RBFOX1: variants seen among roughly 807,000 people sequenced by gnomAD.
The protein encoded by RBFOX1 is RNA binding fox-1 homolog 1, also known as RNA binding protein fox-1 homolog 1.
Under a neutral mutation model 57.7 loss-of-function variants are expected in RBFOX1, and 8 were observed. That is an observed-to-expected ratio of 0.14 (90% CI 0.08 to 0.25). The LOEUF is 0.25. Among genes scored for constraint, RBFOX1 ranks in the 10% least tolerant of loss-of-function variants. The probability of loss-of-function intolerance (pLI) is 1.00; values close to 1 mark genes in which losing one functional copy is unlikely to be tolerated. For missense variants in RBFOX1, 611 were observed against 548.5 expected (o/e 1.11, Z -1.14); for synonymous variants, 326 against 222.4 (o/e 1.47, Z -4.15).
At chr16:6,543,615 T>G (rs189860508) in intron 2 of RBFOX1, among the ~76,000 whole-genome samples, 3 of 152,252 alleles carry the variant, frequency 2.0e-5, no homozygotes, top group Admixed American at 1.3e-4. Context: ...GTTTTCCACT[T>G]AGATGCCCTC....
intron 5 of RBFOX1, among the ~76,000 whole-genome samples, chr16:7,530,981 C>T (rs563440784): frequency 2.4e-4 from 36 of 152,250 alleles, no homozygotes; most frequent in African/African-American, 8.2e-4. Flanking sequence ...TCTCAGTGTC[C>T]TTAGGACAGA....
chr16:6,011,369 G>C (rs1260019272), intron 4 of RBFOX1, among the ~76,000 whole-genome samples: 1 of 152,018 alleles, frequency 6.6e-6, no homozygotes, highest in African/African-American at 2.4e-5. Flanking sequence ...AAAATTTACA[G>C]AGTGTTTTTT....
chr16:5,332,382 C>T (rs1372330051), intron 1 of RBFOX1, among the ~76,000 whole-genome samples: 1 of 151,966 alleles, frequency 6.6e-6, no homozygotes, highest in African/African-American at 2.4e-5. Flanking sequence ...TTTTTCTTGC[C>T]TCCCGAGTAC....
intron 4 of RBFOX1, among the ~76,000 whole-genome samples, chr16:7,236,322 G>A (rs1186978798): frequency 6.6e-6 from 1 of 152,198 alleles, no homozygotes; most frequent in African/African-American, 2.4e-5. Flanking sequence ...AAGTTAGGGA[G>A]AGAAGGAGAT....
intron 4 of RBFOX1, among the ~76,000 whole-genome samples, chr16:5,998,014 G>T (rs1259200647): frequency 2.0e-5 from 3 of 152,202 alleles, no homozygotes; most frequent in African/African-American, 7.2e-5. Context: ...TACCACTTCA[G>T]TTGGTGCCTC....
intron 1 of RBFOX1, among the ~76,000 whole-genome samples, chr16:6,055,915 C>G (rs986297368): frequency 3.3e-5 from 5 of 152,144 alleles, no homozygotes; most frequent in African/African-American, 1.2e-4. Flanking sequence ...TTTTACTAAT[C>G]CCCTCTTGAT....
intron 2 of RBFOX1, among the ~76,000 whole-genome samples, chr16:6,369,651 A>C (rs181986330): frequency 2.0e-5 from 3 of 152,064 alleles, no homozygotes; most frequent in Admixed American, 1.3e-4. Flanking sequence ...AGTTTTAATT[A>C]CCCTCCAACC....
chr16:7,010,958 A>G (rs1159760934), intron 3 of RBFOX1, among the ~76,000 whole-genome samples: 1 of 152,196 alleles, frequency 6.6e-6, no homozygotes, highest in Non-Finnish European at 1.5e-5. Context: ...CTTGGGCAAG[A>G]GGATAAATTA....
chr16:5,418,319 TGGG>T (rs1317335709), intron 1 of RBFOX1, among the ~76,000 whole-genome samples: 1 of 150,892 alleles, frequency 6.6e-6, no homozygotes, highest in Non-Finnish European at 1.5e-5. Context: ...CCCTGGCCCT[TGGG>T]GGCATCTCGG....
Position 6,860,564 on chromosome 16 carries a change from C to A in RBFOX1, c.-15-191493C>A, listed in dbSNP as rs1044895691. On this transcript the variant is annotated intron_variant, in intron 3 of 15. Coordinates refer to ENST00000550418, the MANE Select transcript of RBFOX1 (RefSeq NM_018723.4). ...TTTTGAGATATTTCATCCCTAAATGCACACATGAAGGAGACACATAGAAGA... is the reference window on the plus strand; with the variant it reads ...TTTTGAGATATTTCATCCCTAAATGAACACATGAAGGAGACACATAGAAGA... 3.3e-5 allele frequency among the ~76,000 whole-genome samples: 5 copies of A among 152,140 alleles called. 1 individual carries two copies. The highest frequency in any genetic ancestry group is 2.0e-4 in the Admixed American group (3 of 15,272).
At chr16:7,023,818 C>T (rs771649164) in intron 3 of RBFOX1, among the ~76,000 whole-genome samples, 10 of 152,030 alleles carry the variant, frequency 6.6e-5, no homozygotes, top group East Asian at 3.9e-4. Context: ...AGTAGGCTGC[C>T]ATTTTTAATC....
intron 4 of RBFOX1, among the ~76,000 whole-genome samples, chr16:7,383,659 G>A (rs2097824245): frequency 6.6e-6 from 1 of 152,066 alleles, no homozygotes; most frequent in Non-Finnish European, 1.5e-5. Flanking sequence ...TTAAAAATAA[G>A]ATGCAATATT....
At chr16:7,610,877 T>G (rs1007394633) in intron 10 of RBFOX1, among the ~76,000 whole-genome samples, 110 of 152,226 alleles carry the variant, frequency 7.2e-4, no homozygotes, top group African/African-American at 2.5e-3. Context: ...GATCCATGAC[T>G]AAGAATTTAT....
chr16:5,279,505 T>C (rs1420850050), intron 1 of RBFOX1, among the ~76,000 whole-genome samples: 1 of 152,144 alleles, frequency 6.6e-6, no homozygotes, highest in Admixed American at 6.5e-5. Context: ...AATTTTTTTT[T>C]ATTTTTTATT....
At chr16:6,189,309 C>G (rs942479419) in intron 1 of RBFOX1, among the ~76,000 whole-genome samples, 1 of 152,224 alleles carries the variant, frequency 6.6e-6, no homozygotes, top group Non-Finnish European at 1.5e-5. Flanking sequence ...GAGTCCGCAT[C>G]AGGACACTGA....
At chr16:6,562,832 TTTTCTTTC>T (rs370685598) in intron 2 of RBFOX1, among the ~76,000 whole-genome samples, 110 of 75,964 alleles carry the variant, frequency 1.4e-3, no homozygotes, top group South Asian at 4.1e-3. Context: ...TTCTTGATTC[TTTTCTTTC>T]TTTCTTTCTT....
intron 2 of RBFOX1, among the ~76,000 whole-genome samples, chr16:5,558,025 C>G (rs1168419387): frequency 2.6e-5 from 4 of 152,134 alleles, no homozygotes; most frequent in African/African-American, 9.6e-5. Context: ...CGGCCCAACT[C>G]CGGGGGAGGA....
At chr16:5,391,789 A>G (rs932879430) in intron 1 of RBFOX1, among the ~76,000 whole-genome samples, 2 of 151,614 alleles carry the variant, frequency 1.3e-5, no homozygotes, top group African/African-American at 4.8e-5. Flanking sequence ...CCCATCAATT[A>G]ATGAGTGGAT....
At chr16:7,199,905 A>G (rs1490576715) in intron 4 of RBFOX1, among the ~76,000 whole-genome samples, 4 of 147,022 alleles carry the variant, frequency 2.7e-5, no homozygotes, top group Non-Finnish European at 6.0e-5. Context: ...AAAAAAACAA[A>G]ACAAAACAAC....
Sources: gnomAD v4.1 joint callset for allele counts (sites outside exome capture counted in the v4.1 genomes callset) on GRCh38, gnomAD v4.1.1 for gene constraint, MANE v1.5 for transcripts, NCBI Gene and HGNC (gene_info 2026-07-23, HGNC 2026-07-21) for gene names.